MTBP: variants seen among roughly 807,000 people sequenced by gnomAD.
MTBP encodes the protein mdm2-binding protein.
Under a neutral mutation model 117.0 loss-of-function variants are expected in MTBP, and 101 were observed. The ratio of observed to expected loss-of-function variants is 0.86; its 90% CI spans 0.73 to 1.02. MTBP has a LOEUF of 1.02. Among genes scored for constraint, MTBP ranks in the 50% least tolerant of loss-of-function variants. The probability of loss-of-function intolerance (pLI) is 0.00; values close to 1 mark genes in which losing one functional copy is unlikely to be tolerated. For synonymous variants in MTBP, 350 were observed against 351.5 expected, an observed-to-expected ratio of 1.00 and a Z score of 0.05; for missense variants, 970 against 1,030.9, an observed-to-expected ratio of 0.94 and a Z score of 0.81.
intron 15 of MTBP, among the ~76,000 whole-genome samples, chr8:120,505,620 C>A (rs1357295902): frequency 6.6e-6 from 1 of 152,006 alleles, no homozygotes; most frequent in African/African-American, 2.4e-5. Flanking sequence ...AGTAATTATG[C>A]TTAATTTGAG....
intron 13 of MTBP, 73 bp from the exon 14 acceptor site, chr8:120,497,320 A>G: frequency 7.5e-7 from 1 of 1,334,684 alleles, no homozygotes; most frequent in East Asian, 2.6e-5. Flanking sequence ...TTCTGAAAAT[A>G]TTTTCCACAA....
chr8:120,492,093 C>T (rs974163573), intron 13 of MTBP, among the ~76,000 whole-genome samples: 2 of 152,162 alleles, frequency 1.3e-5, no homozygotes, highest in African/African-American at 4.8e-5. Context: ...CTGAAGACAA[C>T]CTTAGAGCTA....
At chr8:120,490,440 C>CTTTTTTT (rs765099676) in intron 12 of MTBP, 23 bp from the exon 13 acceptor site, 7 of 1,321,580 alleles carry the variant, frequency 5.3e-6, no homozygotes, top group South Asian at 5.3e-5. Context: ...TAATGTTGAC[C>CTTTTTTT]TTTTTTTTTT....
chr8:120,518,587 T>A, intron 19 of MTBP, 117 bp from the exon 20 acceptor site: 1 of 605,044 alleles, frequency 1.7e-6, no homozygotes, highest in African/African-American at 1.9e-5. Flanking sequence ...AATGAACCTG[T>A]CTGTCTTTTA....
chr8:120,486,673 G>A (rs927494114), intron 11 of MTBP, among the ~76,000 whole-genome samples: 2 of 152,142 alleles, frequency 1.3e-5, no homozygotes, highest in African/African-American at 4.8e-5. Flanking sequence ...GGAGGAGGGA[G>A]ACCCATCTTT....
At chr8:120,457,499 A>G (rs1813493746) in intron 7 of MTBP, among the ~76,000 whole-genome samples, 1 of 152,174 alleles carries the variant, frequency 6.6e-6, no homozygotes, top group Non-Finnish European at 1.5e-5. Context: ...GGTTTAATAA[A>G]ATCTCTGATT....
At chr8:120,481,605 G>A (rs1264484821) in intron 11 of MTBP, among the ~76,000 whole-genome samples, 2 of 152,184 alleles carry the variant, frequency 1.3e-5, no homozygotes, top group African/African-American at 2.4e-5. Context: ...AAAGGCAGAA[G>A]GAGACAGAAA....
At chr8:120,451,891 A>T (rs545284934) in intron 4 of MTBP, 1 of 152,196 alleles carries the variant, frequency 6.6e-6, no homozygotes, top group Admixed American at 6.5e-5. Flanking sequence ...CCAATAATGT[A>T]TTTTAAAAGC....
Position 120,506,837 on chromosome 8 carries a change from T to G in MTBP, c.1859T>G (p.Leu620Arg), listed in dbSNP as rs751040740. ...TCAGATGGATTACCCATTGGAGATC[T>G]TCAACCTTTACCGATTCAAAAGGGG... is the stretch of plus-strand genomic sequence containing the variant. Reference protein sequence around the residue: ...FTSDGLPIGDLQPLPIQKGEK... With the variant: ...FTSDGLPIGDRQPLPIQKGEK... Residue 620 changes from leucine to arginine, a missense_variant, in exon 16 of 22, where the codon CTT becomes CGT. Transcript: ENST00000305949. 6 of 1,611,242 alleles carry G rather than the reference T, an allele frequency of 3.7e-6. No homozygotes were observed. Among genetic ancestry groups the G allele is most frequent in the Non-Finnish European group, 5.1e-6 (6 of 1,179,062 alleles).
At chr8:120,457,166 T>C (rs1427980950) in intron 7 of MTBP, among the ~76,000 whole-genome samples, 1 of 152,174 alleles carries the variant, frequency 6.6e-6, no homozygotes, top group East Asian at 1.9e-4. Flanking sequence ...TTAACCTTAC[T>C]GGACCCCAGA....
intron 10 of MTBP, among the ~76,000 whole-genome samples, chr8:120,468,521 T>C (rs1190285117): frequency 1.3e-5 from 2 of 152,220 alleles, no homozygotes; most frequent in Non-Finnish European, 2.9e-5. Context: ...CAAAAAGTTG[T>C]TGAGATGCTT....
chr8:120,454,503 G>T (rs1360927473), intron 5 of MTBP, among the ~76,000 whole-genome samples: 1 of 151,858 alleles, frequency 6.6e-6, no homozygotes, highest in Non-Finnish European at 1.5e-5. Flanking sequence ...GGTACAGTTG[G>T]TATCCGCAAA....
intron 4 of MTBP, chr8:120,451,889 G>A (rs1418313703): frequency 6.6e-6 from 1 of 152,170 alleles, no homozygotes; most frequent in South Asian, 2.1e-4. Flanking sequence ...GGCCAATAAT[G>A]TATTTTAAAA....
chr8:120,451,111 T>C lies in MTBP; in HGVS notation c.273+35T>C, dbSNP rs750832763. ...ATTTAAAGATAGCTACTAATGAATG[T>C]CTTTACTAATATAAATAATTTCATG... is the stretch of plus-strand genomic sequence containing the variant. On this transcript the variant is annotated intron_variant, in intron 3 of 21. Coordinates refer to ENST00000305949, the MANE Select transcript of MTBP (RefSeq NM_022045.5). The C allele has an allele frequency of 1.9e-6, 3 of 1,582,014 alleles. No individual in the cohort carries two copies. The South Asian group carries it at 3.4e-5, about 18-fold the overall frequency.
Position 120,446,459 on chromosome 8 carries a change from C to T in MTBP, c.145C>T (p.Leu49Phe). Residue 49 changes from leucine to phenylalanine, a missense_variant, in exon 2 of 22, where the codon CTC becomes TTC. Physicochemically the swap from Leu to Phe is conservative, Grantham distance 22. Transcript: ENST00000305949. ...CTTCACAGCAGCAAATGTTTATCAC[C>T]TCTTGAAAAGAAGCATTAGTGCTTC... Reference protein sequence around the residue: ...PDFTAANVYHLLKRSISASIN... With the variant: ...PDFTAANVYHFLKRSISASIN... The T allele has an allele frequency of 6.2e-7, 1 of 1,609,610 alleles. No individual in the cohort carries two copies. The highest frequency in any genetic ancestry group is 8.5e-7 in the Non-Finnish European group (1 of 1,176,250).
chr8:120,499,944 A>G (rs1189843781), intron 14 of MTBP, among the ~76,000 whole-genome samples: 1 of 152,198 alleles, frequency 6.6e-6, no homozygotes, highest in East Asian at 1.9e-4. Flanking sequence ...ATTACTTCAA[A>G]CACTTAAAAA....
chr8:120,504,528 C>T (rs1055672210), intron 15 of MTBP, among the ~76,000 whole-genome samples: 14 of 152,062 alleles, frequency 9.2e-5, no homozygotes, highest in Admixed American at 5.9e-4. Context: ...GATGCCACAT[C>T]GATTTTTGTT....
chr8:120,466,211 CTTTTTTTTT>C (rs33994178), intron 10 of MTBP, among the ~76,000 whole-genome samples: 1 of 128,118 alleles, frequency 7.8e-6, no homozygotes, highest in Non-Finnish European at 1.6e-5. Flanking sequence ...GTTTTTTACT[CTTTTTTTTT>C]TTTTTTTTTT....
intron 14 of MTBP, among the ~76,000 whole-genome samples, chr8:120,497,858 G>A (rs1381138126): frequency 6.6e-6 from 1 of 152,134 alleles, no homozygotes; most frequent in Non-Finnish European, 1.5e-5. Context: ...GCTGAAATGT[G>A]TGAATTTCTA....
Sources: allele counts gnomAD v4.1 joint callset (sites outside exome capture counted in the v4.1 genomes callset), GRCh38; gene constraint gnomAD v4.1.1; transcripts MANE v1.5; gene names NCBI Gene and HGNC (gene_info 2026-07-23, HGNC 2026-07-21).